Variants in CNTN6 observed in about 807,000 individuals in gnomAD.
CNTN6 encodes contactin 6, also known as contactin-6.
A neutral mutation model predicts 122.8 loss-of-function variants in CNTN6; 137 were observed. That is an observed-to-expected ratio of 1.12 (90% confidence interval 0.97 to 1.29). The LOEUF (loss-of-function observed/expected upper bound fraction) is 1.29. CNTN6 is among the 50% of genes most tolerant of loss of function. CNTN6 has a pLI of 0.00. For missense variants in CNTN6, 1,634 were observed against 1,223.4 expected (o/e 1.34, Z -5.01); for synonymous variants, 570 against 426.0 (o/e 1.34, Z -4.16).
chr3:1,227,284 A>G (rs1471135971), intron 3 of CNTN6, among the ~76,000 whole-genome samples: 5 of 152,332 alleles, frequency 3.3e-5, no homozygotes, highest in African/African-American at 9.6e-5. Context: ...TATTTTCAAC[A>G]TGATTAATTT....
chr3:1,242,400 G>A (rs2094497758), intron 4 of CNTN6, among the ~76,000 whole-genome samples: 4 of 152,222 alleles, frequency 2.6e-5, no homozygotes, highest in South Asian at 2.1e-4. Flanking sequence ...ATAAGGCGCA[G>A]ATCCTGAACT....
intron 4 of CNTN6, among the ~76,000 whole-genome samples, chr3:1,257,289 T>C (rs554773727): frequency 8.5e-5 from 13 of 152,324 alleles, no homozygotes; most frequent in African/African-American, 2.4e-4. Flanking sequence ...GAAATGTTCC[T>C]ATTTTTATTT....
chr3:1,125,774 C>T (rs1052746148), intron 1 of CNTN6, among the ~76,000 whole-genome samples: 56 of 151,624 alleles, frequency 3.7e-4, no homozygotes, highest in Non-Finnish European at 3.4e-4. Flanking sequence ...TTAATCTAAT[C>T]AAAGTACCGG....
chr3:1,330,282 A>G (rs1702111253), intron 11 of CNTN6, among the ~76,000 whole-genome samples: 1 of 151,898 alleles, frequency 6.6e-6, no homozygotes, highest in South Asian at 2.1e-4. Flanking sequence ...GGAGAGAGAC[A>G]CTCATTGGCA....
At chr3:1,368,735 T>A in intron 12 of CNTN6, among the ~76,000 whole-genome samples, 1 of 152,206 alleles carries the variant, frequency 6.6e-6, no homozygotes, top group East Asian at 1.9e-4. Flanking sequence ...TATAAAATTA[T>A]GACACCAAAA....
At position 1,131,518 on chromosome 3, in the gene CNTN6, T is replaced by C. The variant is rs561872063; in HGVS notation, c.-82-16409T>C. Among the ~76,000 whole-genome samples the C allele has an allele frequency of 5.9e-5, 9 of 152,158 alleles. No homozygotes were observed. In the South Asian group the frequency reaches 1.7e-3, roughly 28 times the overall value. On this transcript the variant is annotated intron_variant, in intron 1 of 22. Coordinates refer to ENST00000446702, the MANE Select transcript of CNTN6 (RefSeq NM_001289080.2). ...AATTAAACCCCTATTTTGATTTGAA[T>C]TGGGAGTGAATAAAGTGTTCACTGC...
chr3:1,293,341 A>C (rs929211634), intron 5 of CNTN6, among the ~76,000 whole-genome samples: 4 of 151,596 alleles, frequency 2.6e-5, no homozygotes, highest in Admixed American at 2.6e-4. Flanking sequence ...TCTCGATGGA[A>C]GGGATGACAA....
At chr3:1,374,601 C>T (rs552098637) in intron 16 of CNTN6, among the ~76,000 whole-genome samples, 19 of 152,034 alleles carry the variant, frequency 1.2e-4, no homozygotes, top group East Asian at 1.9e-4. Flanking sequence ...AACAGCAGAA[C>T]GCAAGAACCT....
intron 1 of CNTN6, among the ~76,000 whole-genome samples, chr3:1,114,129 G>A (rs1038462079): frequency 6.6e-6 from 1 of 152,208 alleles, no homozygotes; most frequent in South Asian, 2.1e-4. Flanking sequence ...CTTCGGTTCT[G>A]TGTGGCTTGA....
chr3:1,189,745 C>A (rs2093674845), intron 2 of CNTN6, among the ~76,000 whole-genome samples: 1 of 152,082 alleles, frequency 6.6e-6, no homozygotes. Flanking sequence ...GGGAAAGAAT[C>A]CTGTGATTGA....
At chr3:1,321,014 C>A (rs557791259) in intron 7 of CNTN6, among the ~76,000 whole-genome samples, 1 of 151,140 alleles carries the variant, frequency 6.6e-6, no homozygotes, top group South Asian at 2.1e-4. Context: ...TTTTTTAAAT[C>A]GTATATAAAT....
intron 4 of CNTN6, among the ~76,000 whole-genome samples, chr3:1,258,129 A>C (rs3772332): frequency 0.17 from 26,325 of 152,118 alleles, 3,236 homozygotes; most frequent in African/African-American, 0.35. Flanking sequence ...AACAAAGCCA[A>C]TTCTGGTCCC....
chr3:1,324,520 T>A (rs764498974), intron 8 of CNTN6, among the ~76,000 whole-genome samples: 3 of 149,624 alleles, frequency 2.0e-5, no homozygotes, highest in Non-Finnish European at 4.4e-5. Flanking sequence ...CATTTAAGCA[T>A]GCCCAGTTTG....
chr3:1,215,039 A>G (rs2094111127), intron 2 of CNTN6, among the ~76,000 whole-genome samples: 1 of 152,162 alleles, frequency 6.6e-6, no homozygotes. Flanking sequence ...GATTACAGGC[A>G]TGAGCCCCTG....
chr3:1,154,805 C>G (rs533715175), intron 2 of CNTN6, among the ~76,000 whole-genome samples: 1 of 152,180 alleles, frequency 6.6e-6, no homozygotes, highest in East Asian at 1.9e-4. Context: ...AATCAAACTC[C>G]TTGCCATTCC....
Position 1,230,948 on chromosome 3 carries a change from C to T in CNTN6, c.358+2955C>T, listed in dbSNP as rs115948447. 8.7e-3 allele frequency among the ~76,000 whole-genome samples: 1,332 copies of T among 152,302 alleles called. 22 individuals are homozygous for T. Among genetic ancestry groups the T allele is most frequent in the African/African-American group, 0.03 (1,251 of 41,580 alleles). On this transcript the variant is annotated intron_variant, in intron 4 of 22. Coordinates refer to ENST00000446702, the MANE Select transcript of CNTN6 (RefSeq NM_001289080.2). ...GCTGGTGATTCCTTGTCCACATCCG[C>T]TTTTGCAAGTGATGTGCCAACCCCC...
chr3:1,098,787 CACATATAT>C (rs1471535888), intron 1 of CNTN6, among the ~76,000 whole-genome samples: 4 of 55,692 alleles, frequency 7.2e-5, no homozygotes, highest in Admixed American at 6.2e-4. Flanking sequence ...CACACACACA[CACATATAT>C]ATATATATAT....
intron 11 of CNTN6, among the ~76,000 whole-genome samples, chr3:1,346,745 G>C (rs1704774029): frequency 6.6e-6 from 1 of 151,948 alleles, no homozygotes; most frequent in Admixed American, 6.6e-5. Flanking sequence ...GAAAAACGAG[G>C]GTAAAATATT....
chr3:1,200,714 T>A (rs533672952), intron 2 of CNTN6, among the ~76,000 whole-genome samples: 1 of 152,144 alleles, frequency 6.6e-6, no homozygotes, highest in South Asian at 2.1e-4. Flanking sequence ...AATTTATGTC[T>A]CCCAAAGCCC....
Sources: allele counts gnomAD v4.1 joint callset (sites outside exome capture counted in the v4.1 genomes callset), GRCh38; gene constraint gnomAD v4.1.1; transcripts MANE v1.5; gene names NCBI Gene and HGNC (gene_info 2026-07-23, HGNC 2026-07-21).